The following EFNB2 variants were observed in gnomAD, a reference collection of about 807,000 sequenced individuals.
EFNB2 encodes the protein ephrin B2, also known as ephrin-B2.
EFNB2 carries 5 observed loss-of-function variants against 32.1 expected under a neutral mutation model. That is an observed-to-expected ratio of 0.16 (90% CI 0.08 to 0.33). The LOEUF (loss-of-function observed/expected upper bound fraction) is 0.33. Among genes scored for constraint, EFNB2 ranks in the 10% least tolerant of loss-of-function variants. The pLI is 1.00. For missense variants in EFNB2, 263 were observed against 422.6 expected, an observed-to-expected ratio of 0.62 and a Z score of 3.31; for synonymous variants, 168 against 166.5, an observed-to-expected ratio of 1.01 and a Z score of -0.07.
rs190774691 is a variant in EFNB2 at position 106,511,763 on chromosome 13, A to C, written c.406+766T>G. 3.5e-3 allele frequency among the ~76,000 whole-genome samples: 540 copies of C among 152,272 alleles called. 3 individuals carry two copies. The highest frequency in any genetic ancestry group is 0.012 in the African/African-American group (503 of 41,550). On this transcript the variant is annotated intron_variant, in intron 2 of 4. Transcript: ENST00000646441. ...AGCTGTCTGAGTCACCTAGACTTTA[A>C]CACCACCTGGGGCCCTGGGAATGAC...
chr13:106,510,007 TC>T (rs1879087069), intron 2 of EFNB2: 1 of 152,106 alleles, frequency 6.6e-6, no homozygotes, highest in Non-Finnish European at 1.5e-5. Context: ...CTTATGACAG[TC>T]CCCCAAAGCA....
At chr13:106,497,309 T>C (rs905375460) in intron 2 of EFNB2, among the ~76,000 whole-genome samples, 1 of 152,176 alleles carries the variant, frequency 6.6e-6, no homozygotes, top group Non-Finnish European at 1.5e-5. Context: ...CAATTGCATC[T>C]CATTCTTCTG....
chr13:106,494,788 G>C (rs1878534317), intron 4 of EFNB2, 93 bp downstream of exon 4: 3 of 949,644 alleles, frequency 3.2e-6, no homozygotes, highest in Non-Finnish European at 5.1e-6. Flanking sequence ...ATCCTAACTG[G>C]TTAGAAGTCT....
intron 2 of EFNB2, among the ~76,000 whole-genome samples, chr13:106,497,377 T>A (rs1878625382): frequency 1.3e-5 from 2 of 151,994 alleles, no homozygotes; most frequent in Non-Finnish European, 2.9e-5. Flanking sequence ...ATAATACTTG[T>A]CTTGGAAGGG....
chr13:106,535,200 G>A lies in EFNB2; in HGVS notation c.-236C>T. The A allele has an allele frequency of 5.8e-6, 1 of 171,786 alleles. No homozygotes were observed. Among genetic ancestry groups the A allele is most frequent in the African/African-American group, 2.4e-5 (1 of 41,386 alleles). The allele number at this position is 171,786 out of a possible 1,614,324, so 10.6% of individuals were successfully genotyped here. ...GGGGCGCGGCGGCGCGGCGGACTCG[G>A]GGTTCCGGGGCGCCGCGCCGGACGC... On this transcript the variant is annotated 5_prime_UTR_variant, in exon 1 of 5. Coordinates refer to ENST00000646441, the MANE Select transcript of EFNB2 (RefSeq NM_004093.4).
chr13:106,520,747 A>G (rs1879482809), intron 1 of EFNB2: 2 of 145,296 alleles, frequency 1.4e-5, no homozygotes, highest in African/African-American at 4.9e-5. Flanking sequence ...AGGCAGTAAT[A>G]AGAAATACTT....
rs1291883211 is a variant in EFNB2 at position 106,493,229 on chromosome 13, T to C, written c.813A>G (p.Thr271=). 5 of 1,614,204 alleles carry C rather than the reference T, an allele frequency of 3.1e-6. No individual in the cohort carries two copies. Among genetic ancestry groups the C allele is most frequent in the Admixed American group, 1.7e-5 (1 of 60,018 alleles). ...TGCCGCTGCGCTTGGGTGTGGCCAG[T>C]GTGCTGAGCGACAGCGTGGTCGTGT... ...PQHTTTLSLS[T]LATPKRSGNN... The change falls in exon 5 of 5, where the codon ACA becomes ACG. Residue 271 remains threonine, a synonymous_variant. Coordinates refer to ENST00000646441, the MANE Select transcript of EFNB2 (RefSeq NM_004093.4). This position sits in a 1 kb window ranked among gnomAD's most constrained non-coding sequence, Gnocchi z 6.1.
Position 106,494,888 on chromosome 13 carries a change from T to C in EFNB2, c.606A>G (p.Pro202=). The C allele has an allele frequency of 6.2e-7, 1 of 1,613,490 alleles. No homozygotes were observed. Among genetic ancestry groups the C allele is most frequent in the Non-Finnish European group, 8.5e-7 (1 of 1,179,382 alleles). The change falls in exon 4 of 5, where the codon CCA becomes CCG. Residue 202 remains proline (P), a synonymous_variant. Coordinates refer to ENST00000646441, the MANE Select transcript of EFNB2 (RefSeq NM_004093.4). ...CAGATCATGCTGTTATACCTGGATTTGGTTTTACAAAGGGACTTGTTGTCG... is the reference window on the plus strand; with the variant it reads ...CAGATCATGCTGTTATACCTGGATTCGGTTTTACAAAGGGACTTGTTGTCG... The part of the protein sequence containing the change: ...RSSTTSPFVK[P]NPGSSTDGNS...
chr13:106,532,543 TC>T, intron 1 of EFNB2, among the ~76,000 whole-genome samples: 1 of 152,284 alleles, frequency 6.6e-6, no homozygotes, highest in East Asian at 1.9e-4. Context: ...TTGTATGCAT[TC>T]TCAAAAACTT....
At chr13:106,501,798 T>C (rs1367830722) in intron 2 of EFNB2, among the ~76,000 whole-genome samples, 1 of 152,122 alleles carries the variant, frequency 6.6e-6, no homozygotes, top group East Asian at 1.9e-4. Flanking sequence ...TTCACAGTGT[T>C]AGCCAGTTTG....
chr13:106,531,795 T>G (rs1463286663), intron 1 of EFNB2, among the ~76,000 whole-genome samples: 2 of 152,176 alleles, frequency 1.3e-5, no homozygotes, highest in Non-Finnish European at 2.9e-5. Context: ...AGCAAAATGC[T>G]ATGTTAACTA....
At chr13:106,534,010 A>G (rs920792970) in intron 1 of EFNB2, among the ~76,000 whole-genome samples, 1 of 152,188 alleles carries the variant, frequency 6.6e-6, no homozygotes, top group Non-Finnish European at 1.5e-5. Context: ...GTAAGAGCAA[A>G]TCTGATCCTA....
At chr13:106,519,291 T>A (rs1453150688) in intron 1 of EFNB2, 2 of 152,178 alleles carry the variant, frequency 1.3e-5, no homozygotes, top group Admixed American at 1.3e-4. Context: ...CACGTAAAGA[T>A]CTATTTAAAT....
At position 106,534,834 on chromosome 13, in the gene EFNB2, G is replaced by T. The variant is rs1880009838; in HGVS notation, c.122+9C>A. ...GCGGGGACATAGGGGGATCGCGGACGCCACTTACTTGGAGTTCGAGGAATT... is the reference window on the plus strand; with the variant it reads ...GCGGGGACATAGGGGGATCGCGGACTCCACTTACTTGGAGTTCGAGGAATT... On this transcript the variant is annotated intron_variant, in intron 1 of 4. Transcript: ENST00000646441. 2 of 1,609,250 alleles carry T rather than the reference G, an allele frequency of 1.2e-6. No individual in the cohort carries two copies. Among genetic ancestry groups the T allele is most frequent in the Non-Finnish European group, 8.5e-7 (1 of 1,177,890 alleles).
chr13:106,499,939 C>T (rs1482971910), intron 2 of EFNB2, among the ~76,000 whole-genome samples: 2 of 152,164 alleles, frequency 1.3e-5, no homozygotes, highest in African/African-American at 2.4e-5. Context: ...AAGTTCCTTG[C>T]GTTCACATCG....
rs1416080918 is a variant in EFNB2 at position 106,492,818 on chromosome 13, C to CACA, written c.*219_*221dup. Reference sequence around the variant, plus strand: ...CAGCAGTCCGAATGGGCGTCTTCTGCACAGTCTTCCAGCTTCCAGGGAGCG... The same window carrying CACA: ...CAGCAGTCCGAATGGGCGTCTTCTGCACAACAGTCTTCCAGCTTCCAGGGAGCG... On this transcript the variant is annotated 3_prime_UTR_variant, in exon 5 of 5. Transcript: ENST00000646441. This position sits in a 1 kb window ranked among gnomAD's most constrained non-coding sequence, Gnocchi z 5.1. 1.8e-6 allele frequency: 1 copy of CACA among 571,336 alleles called. No homozygotes were observed. The highest frequency in any genetic ancestry group is 2.7e-5 in the South Asian group (1 of 37,380). The allele number at this position is 571,336 out of a possible 1,614,324, so 35.4% of individuals were successfully genotyped here.
At chr13:106,534,615 G>A (rs899005627) in intron 1 of EFNB2, among the ~76,000 whole-genome samples, 1 of 151,864 alleles carries the variant, frequency 6.6e-6, no homozygotes. Context: ...GCCTGGGAGC[G>A]TTCGGGGGAG....
intron 1 of EFNB2, among the ~76,000 whole-genome samples, chr13:106,533,672 T>C (rs1304390873): frequency 6.6e-6 from 1 of 152,182 alleles, no homozygotes; most frequent in East Asian, 1.9e-4. Flanking sequence ...CCCCATTTCT[T>C]TTCTCCTAAA....
chr13:106,510,923 C>G (rs1879121808), intron 2 of EFNB2, among the ~76,000 whole-genome samples: 1 of 152,070 alleles, frequency 6.6e-6, no homozygotes, highest in Non-Finnish European at 1.5e-5. Flanking sequence ...CACTTGAACC[C>G]AGGAGGTGGA....
Sources: gnomAD v4.1 joint callset for allele counts (sites outside exome capture counted in the v4.1 genomes callset) on GRCh38, gnomAD v4.1.1 for gene constraint, Gnocchi (gnomAD v3.1) non-coding constraint, MANE v1.5 for transcripts, NCBI Gene and HGNC (gene_info 2026-07-23, HGNC 2026-07-21) for gene names.